Variants in COL14A1 observed in about 807,000 individuals in gnomAD.
The protein encoded by COL14A1 is collagen type XIV alpha 1 chain.
A neutral mutation model predicts 230.3 loss-of-function variants in COL14A1; 136 were observed. That is an observed-to-expected ratio of 0.59 (90% CI 0.51 to 0.68). COL14A1 has a LOEUF of 0.68. Among genes scored for constraint, COL14A1 ranks in the 30% least tolerant of loss-of-function variants. The pLI, the probability that COL14A1 is intolerant of heterozygous loss-of-function variation, is 0.00. For synonymous variants in COL14A1, 792 were observed against 784.1 expected (o/e 1.01, Z -0.17); for missense variants, 1,976 against 2,215.8 (o/e 0.89, Z 2.17).
chr8:120,175,733 GT>G (rs1215314189), intron 5 of COL14A1, among the ~76,000 whole-genome samples: 1 of 152,076 alleles, frequency 6.6e-6, no homozygotes, highest in Non-Finnish European at 1.5e-5. Context: ...AATATTTTCT[GT>G]TTTGCTTTTT....
intron 18 of COL14A1, 147 bp downstream of exon 18, chr8:120,228,916 C>A: frequency 1.5e-6 from 1 of 660,910 alleles, no homozygotes; most frequent in Non-Finnish European, 2.6e-6. Flanking sequence ...TCACGCCTCT[C>A]AGAGCCTCTC....
At chr8:120,232,638 G>A (rs1393477775) in intron 19 of COL14A1, among the ~76,000 whole-genome samples, 1 of 152,170 alleles carries the variant, frequency 6.6e-6, no homozygotes, top group African/African-American at 2.4e-5. Flanking sequence ...TGGTGTATAT[G>A]TGCCACATTT....
chr8:120,317,082 A>G (rs766206661), intron 40 of COL14A1, among the ~76,000 whole-genome samples: 1 of 152,228 alleles, frequency 6.6e-6, no homozygotes, highest in East Asian at 1.9e-4. Flanking sequence ...CGATTTAGAC[A>G]TGTGAGCAGC....
intron 3 of COL14A1, among the ~76,000 whole-genome samples, chr8:120,159,753 G>A (rs1419868119): frequency 6.6e-6 from 1 of 152,130 alleles, no homozygotes; most frequent in Non-Finnish European, 1.5e-5. Flanking sequence ...GTGCAGAGGT[G>A]CAATCTCGGC....
At chr8:120,307,743 A>G (rs1820897245) in intron 36 of COL14A1, among the ~76,000 whole-genome samples, 1 of 152,218 alleles carries the variant, frequency 6.6e-6, no homozygotes, top group East Asian at 1.9e-4. Context: ...AGGTTGATAA[A>G]AATGTAAAGT....
intron 19 of COL14A1, among the ~76,000 whole-genome samples, chr8:120,235,306 A>G (rs997648814): frequency 1.3e-5 from 2 of 151,982 alleles, no homozygotes; most frequent in African/African-American, 4.8e-5. Context: ...AGTTGCTGGG[A>G]CTACAGGCAC....
chr8:120,354,855 C>T (rs1290774799), intron 45 of COL14A1, among the ~76,000 whole-genome samples: 1 of 152,176 alleles, frequency 6.6e-6, no homozygotes, highest in Non-Finnish European at 1.5e-5. Flanking sequence ...TTATATTAAG[C>T]AGCCCGATTT....
Position 120,365,953 on chromosome 8 carries a change from G to A in COL14A1, c.5078-1218G>A, listed in dbSNP as rs549374810. On this transcript the variant is annotated intron_variant, in intron 45 of 47. Transcript: ENST00000297848. The stretch of plus-strand genomic sequence containing the variant: ...TGTCTTGACTGCAAGAGATCATTAC[G>A]GGGAGCACAAAAGATACCAAAGCTG... Among the ~76,000 whole-genome samples the A allele has an allele frequency of 5.3e-5, 8 of 152,268 alleles. No homozygotes were observed. In the East Asian group the frequency reaches 1.5e-3, roughly 29 times the overall value.
chr8:120,245,731 G>A (rs924940122), intron 20 of COL14A1, among the ~76,000 whole-genome samples: 1 of 152,278 alleles, frequency 6.6e-6, no homozygotes, highest in Admixed American at 6.5e-5. Context: ...CTGGCATCTT[G>A]GTGGGGGTGG....
At position 120,371,909 on chromosome 8, in the gene COL14A1, G is replaced by A. The variant is rs922217933; in HGVS notation, c.*678G>A. ...GCAAAGAGATATAATTTTAATGAAC[G>A]ATTTATCCAGCAGTGTGTTCCAGGG... is the stretch of plus-strand genomic sequence containing the variant. On this transcript the variant is annotated 3_prime_UTR_variant, in exon 48 of 48. Coordinates refer to ENST00000297848, the MANE Select transcript of COL14A1 (RefSeq NM_021110.4). 1.5e-5 allele frequency: 5 copies of A among 341,288 alleles called. No homozygotes were observed. Among genetic ancestry groups the A allele is most frequent in the East Asian group, 1.3e-4 (3 of 23,836 alleles). 21.1% of individuals were successfully genotyped at this position (341,288 alleles called of 1,614,324 possible). A position where few individuals can be genotyped will look rare whatever the true frequency, so the allele number is the denominator to read the frequency against.
intron 5 of COL14A1, among the ~76,000 whole-genome samples, chr8:120,188,267 A>C (rs1032989282): frequency 1.3e-5 from 2 of 152,042 alleles, no homozygotes; most frequent in African/African-American, 4.8e-5. Context: ...ATTTTTGTAG[A>C]GACGGGGTTT....
chr8:120,248,504 C>T (rs768961039), intron 21 of COL14A1, among the ~76,000 whole-genome samples: 1 of 152,132 alleles, frequency 6.6e-6, no homozygotes, highest in African/African-American at 2.4e-5. Flanking sequence ...GCCTGCAGTA[C>T]TCTAGTTGTT....
intron 37 of COL14A1, among the ~76,000 whole-genome samples, chr8:120,311,794 C>T (rs867142095): frequency 1.3e-5 from 2 of 152,010 alleles, no homozygotes; most frequent in Non-Finnish European, 2.9e-5. Flanking sequence ...TGCAATTTCT[C>T]GATAACATAT....
chr8:120,324,640 T>C (rs762469167), intron 40 of COL14A1, among the ~76,000 whole-genome samples: 1 of 152,178 alleles, frequency 6.6e-6, no homozygotes, highest in Non-Finnish European at 1.5e-5. Flanking sequence ...TTTCAACAAA[T>C]TCATCTGTTG....
At chr8:120,214,182 G>C (rs781233315) in intron 13 of COL14A1, 2 of 172,394 alleles carry the variant, frequency 1.2e-5, no homozygotes, top group Non-Finnish European at 2.5e-5. Context: ...TTAGCATCCT[G>C]GTTAATATCA....
intron 10 of COL14A1, 142 bp from the exon 11 acceptor site, chr8:120,208,090 C>G (rs1817499209): frequency 1.4e-6 from 1 of 733,054 alleles, no homozygotes; most frequent in East Asian, 2.8e-5. Flanking sequence ...AGAGAGTTGA[C>G]TGCCACAGTG....
chr8:120,171,512 A>G (rs983716552), intron 5 of COL14A1, among the ~76,000 whole-genome samples: 16 of 152,192 alleles, frequency 1.1e-4, no homozygotes, highest in Non-Finnish European at 2.1e-4. Context: ...CCAGATTAAG[A>G]GTTGTCTCTA....
chr8:120,219,912 T>C (rs1018648678), intron 14 of COL14A1, among the ~76,000 whole-genome samples: 1 of 152,078 alleles, frequency 6.6e-6, no homozygotes, highest in African/African-American at 2.4e-5. Context: ...TGAATGAAGA[T>C]TTGAGAAAAT....
At chr8:120,152,903 A>G (rs879041260) in intron 2 of COL14A1, among the ~76,000 whole-genome samples, 1 of 152,230 alleles carries the variant, frequency 6.6e-6, no homozygotes, top group Admixed American at 6.5e-5. Context: ...CATAGGGGCT[A>G]GCTTTAACTT....
Sources: allele counts gnomAD v4.1 joint callset (sites outside exome capture counted in the v4.1 genomes callset), GRCh38; gene constraint gnomAD v4.1.1; transcripts MANE v1.5; gene names NCBI Gene and HGNC (gene_info 2026-07-23, HGNC 2026-07-21).